The following JHY variants were observed in gnomAD, a reference collection of about 807,000 sequenced individuals.
JHY encodes the protein jhy protein homolog.
Under a neutral mutation model 78.0 loss-of-function variants are expected in JHY, and 69 were observed. The ratio of observed to expected loss-of-function variants is 0.88; its 90% CI spans 0.73 to 1.08. JHY has a LOEUF of 1.08. Ranked by LOEUF, JHY falls within the 50% of genes least tolerant of loss-of-function variation. The probability of loss-of-function intolerance (pLI) is 0.00; values close to 1 mark genes in which losing one functional copy is unlikely to be tolerated. For synonymous variants in JHY, 368 were observed against 342.6 expected, an observed-to-expected ratio of 1.07 and a Z score of -0.82; for missense variants, 944 against 927.8, an observed-to-expected ratio of 1.02 and a Z score of -0.23.
chr11:122,886,937 C>T (rs1862507983), intron 2 of JHY, among the ~76,000 whole-genome samples: 1 of 152,034 alleles, frequency 6.6e-6, no homozygotes, highest in Non-Finnish European at 1.5e-5. Flanking sequence ...ATCTAATAAC[C>T]AGAATTTAAG....
chr11:122,920,872 G>C (rs1189197239), intron 3 of JHY, among the ~76,000 whole-genome samples: 3 of 152,100 alleles, frequency 2.0e-5, no homozygotes, highest in Non-Finnish European at 4.4e-5. Context: ...TTCTAGTCTG[G>C]GATAATGACA....
chr11:122,934,347 A>AATAC (rs1863700368), intron 4 of JHY, 73 bp from the exon 5 acceptor site: 1 of 599,022 alleles, frequency 1.7e-6, no homozygotes, highest in East Asian at 4.0e-5. Flanking sequence ...TAAATAAATA[A>AATAC]ATAAATAATA....
In JHY at chr11:122,898,653, C is replaced by T. The variant is rs1457894059; in HGVS notation, c.345-5272C>T. Among the ~76,000 whole-genome samples the T allele has an allele frequency of 4.6e-5, 7 of 152,212 alleles. No individual in the cohort carries two copies. The highest frequency in any genetic ancestry group is 1.7e-4 in the African/African-American group (7 of 41,460). ...CTAAACAGTACAAAGTAGAGGATTA[C>T]TTGTTCTAAGTTTTCCAAAAAGGAC... On this transcript the variant is annotated intron_variant, in intron 2 of 8. Transcript: ENST00000227349. This position sits in a 1 kb window ranked among gnomAD's most constrained non-coding sequence, Gnocchi z 4.4.
chr11:122,956,650 G>A (rs111238815), intron 7 of JHY, 74 bp downstream of exon 7: 23,070 of 1,254,430 alleles, frequency 0.018, 277 homozygotes, highest in Middle Eastern at 0.028. Flanking sequence ...TTATGAAGAC[G>A]CCCCCCAGAA....
chr11:122,904,346 G>A lies in JHY; in HGVS notation c.766G>A (p.Val256Met), dbSNP rs1342060326. 11 of 1,614,030 alleles carry A rather than the reference G, an allele frequency of 6.8e-6. No individual in the cohort carries two copies. The highest frequency in any genetic ancestry group is 9.3e-6 in the Non-Finnish European group (11 of 1,180,012). ...PRRRKSKQHF[V>M]EKNKLTLGLP... is the part of the protein sequence containing the mutation. Reference sequence around the variant, plus strand: ...GCGAAGGAAATCCAAACAACATTTTGTGGAAAAAAACAAGCTCACTTTGGG... The same window carrying A: ...GCGAAGGAAATCCAAACAACATTTTATGGAAAAAAACAAGCTCACTTTGGG... Residue 256 changes from valine to methionine, a missense_variant, in exon 3 of 9, where the codon GTG (valine) becomes ATG (methionine). By Grantham distance (21) the Val-to-Met change is conservative. Coordinates refer to ENST00000227349, the MANE Select transcript of JHY (RefSeq NM_024806.4).
At chr11:122,934,354 A>C (rs1448826721) in intron 4 of JHY, 66 bp from the exon 5 acceptor site, 2 of 626,946 alleles carry the variant, frequency 3.2e-6, no homozygotes, top group Non-Finnish European at 4.4e-6. Context: ...ATAAATAAAT[A>C]ATAAAATAAA....
chr11:122,912,554 G>C (rs190393829), intron 3 of JHY, among the ~76,000 whole-genome samples: 1 of 152,010 alleles, frequency 6.6e-6, no homozygotes, highest in Non-Finnish European at 1.5e-5. Flanking sequence ...AGCATAGCCC[G>C]TATTAGCTCA....
At chr11:122,884,696 C>T (rs1029341987) in intron 1 of JHY, among the ~76,000 whole-genome samples, 3 of 152,230 alleles carry the variant, frequency 2.0e-5, no homozygotes, top group Non-Finnish European at 4.4e-5. Context: ...CCCACCCACT[C>T]AACTTTCCCC....
chr11:122,934,351 A>T (rs1156475721), intron 4 of JHY, 69 bp from the exon 5 acceptor site: 18 of 604,294 alleles, frequency 3.0e-5, no homozygotes, highest in East Asian at 5.3e-5. Context: ...TAAATAAATA[A>T]ATAATAAAAT....
At position 122,887,025 on chromosome 11, in the gene JHY, T is replaced by C. The variant is rs17126943; in HGVS notation, c.344+832T>C. ...AATGTGTGATATCACTCTGTTACAA[T>C]TGAGGCACTGAGGATATGAGAGTAC... On this transcript the variant is annotated intron_variant, in intron 2 of 8. Transcript: ENST00000227349. Among the ~76,000 whole-genome samples, 1,246 of 152,308 alleles carry C rather than the reference T, an allele frequency of 8.2e-3. 41 individuals are homozygous for C. In the East Asian group the frequency reaches 0.086, roughly 11 times the overall value.
chr11:122,958,875 T>C, intron 8 of JHY: 1 of 985,330 alleles, frequency 1.0e-6, no homozygotes, highest in South Asian at 4.7e-5. Context: ...CAAGTCTTCT[T>C]TGGATAGAAA....
In JHY at chr11:122,883,147, G is replaced by A. The variant is rs1033498365; in HGVS notation, c.-90+175G>A. ...GACAAGGGGGCGAGGCCGCGACAAG[G>A]GGCTGGGGGGCCGCCATGCGAGGCT... On this transcript the variant is annotated intron_variant, in intron 1 of 8. Transcript: ENST00000227349. This position sits in a 1 kb window ranked among gnomAD's most constrained non-coding sequence, Gnocchi z 4.4. Among the ~76,000 whole-genome samples the A allele has an allele frequency of 6.6e-6, 1 of 152,122 alleles. No individual in the cohort carries two copies. The highest frequency in any genetic ancestry group is 2.4e-5 in the African/African-American group (1 of 41,444).
At position 122,935,073 on chromosome 11, in the gene JHY, A is replaced by T. The variant is rs1863724969; in HGVS notation, c.1632A>T (p.Leu544Phe). ...TETKYRNLEM[L>F]WKFHSSSDSQ... ...CAAAATACAGGAACTTAGAAATGTT[A>T]TGGTAAGAATTCCCTTTTCTCAAGT... The change falls in exon 5 of 9, where the codon TTA becomes TTT. Residue 544 changes from leucine to phenylalanine, a missense_variant and splice_region_variant. Physicochemically the swap from Leu to Phe is conservative, Grantham distance 22. Transcript: ENST00000227349. This position sits in a 1 kb window ranked among gnomAD's most constrained non-coding sequence, Gnocchi z 4.5. 2 of 1,561,606 alleles carry T rather than the reference A, an allele frequency of 1.3e-6. No individual in the cohort carries two copies. Among genetic ancestry groups the T allele is most frequent in the Admixed American group, 4.1e-5 (2 of 48,960 alleles).
chr11:122,911,995 G>A (rs1014560963), intron 3 of JHY, among the ~76,000 whole-genome samples: 1 of 141,698 alleles, frequency 7.1e-6, no homozygotes, highest in African/African-American at 2.6e-5. Flanking sequence ...ACTTTAATAA[G>A]TAAACTGGGG....
rs1337392251 is a variant in JHY, at chr11:122,904,447, A to G, written c.864+3A>G. 1 of 1,603,532 alleles carries G rather than the reference A, an allele frequency of 6.2e-7. No individual in the cohort carries two copies. The highest frequency in any genetic ancestry group is 8.5e-7 in the Non-Finnish European group (1 of 1,173,760). Reference sequence around the variant, plus strand: ...GAGGGGAATCTCATCCAGAACAGGTACGTAGTGGCTACTTTAAAATGTCTT... The same window carrying G: ...GAGGGGAATCTCATCCAGAACAGGTGCGTAGTGGCTACTTTAAAATGTCTT... On this transcript the variant is annotated splice_donor_region_variant and intron_variant, in intron 3 of 8. Transcript: ENST00000227349.
chr11:122,934,719 C>T lies in JHY; in HGVS notation c.1278C>T (p.Ala426=). The change falls in exon 5 of 9, where the codon GCC becomes GCT. Residue 426 remains alanine (A), a synonymous_variant. Transcript: ENST00000227349. The part of the protein sequence containing the change: ...IMHASNNDVQ[A]SRALRSHNLK... ...ATGCCTCTAACAATGATGTACAAGC[C>T]TCAAGGGCACTTAGAAGCCACAATC... The T allele has an allele frequency of 1.9e-6, 3 of 1,614,130 alleles. No homozygotes were observed. The highest frequency in any genetic ancestry group is 1.7e-6 in the Non-Finnish European group (2 of 1,180,028).
In JHY at chr11:122,963,569, A is replaced by C. The variant is rs980788859; in HGVS notation, c.*4124A>C. ...CTAAGGGGAGAGATTTTGCAAAAAC[A>C]GGGAGTGACAGACACGTTTTTTGCT... On this transcript the variant is annotated 3_prime_UTR_variant, in exon 9 of 9. Transcript: ENST00000227349. 6.6e-6 allele frequency among the ~76,000 whole-genome samples: 1 copy of C among 152,180 alleles called. No homozygotes were observed. The highest frequency in any genetic ancestry group is 1.5e-5 in the Non-Finnish European group (1 of 68,004).
In JHY at chr11:122,950,791, G is replaced by A. The variant is rs147649293; in HGVS notation, c.1929+3999G>A. 6.7e-4 allele frequency among the ~76,000 whole-genome samples: 102 copies of A among 152,318 alleles called. No homozygotes were observed. In the East Asian group the frequency reaches 0.019, roughly 28 times the overall value. On this transcript the variant is annotated intron_variant, in intron 6 of 8. Coordinates refer to ENST00000227349, the MANE Select transcript of JHY (RefSeq NM_024806.4). ...TAGAGGAAAGTACTCCGACGACAGT[G>A]TGTGTCACCAGAAATCTAAGCGCAT...
At position 122,911,501 on chromosome 11, in the gene JHY, C is replaced by G. The variant is rs566525629; in HGVS notation, c.864+7057C>G. Among the ~76,000 whole-genome samples the G allele has an allele frequency of 5.3e-5, 8 of 152,218 alleles. No homozygotes were observed. The South Asian group carries it at 1.7e-3, about 32-fold the overall frequency. On this transcript the variant is annotated intron_variant, in intron 3 of 8. Transcript: ENST00000227349. ...AACAGAAAACAAGAGAGGCAGAGCA[C>G]CTATCTTGAAGGAGTTTACATTCCA...
Sources: gnomAD v4.1 joint callset for allele counts (sites outside exome capture counted in the v4.1 genomes callset) on GRCh38, gnomAD v4.1.1 for gene constraint, Gnocchi (gnomAD v3.1) non-coding constraint, MANE v1.5 for transcripts, NCBI Gene and HGNC (gene_info 2026-07-23, HGNC 2026-07-21) for gene names.